STRIP1: variants seen among roughly 807,000 people sequenced by gnomAD.
STRIP1 encodes striatin interacting protein 1, also known as striatin-interacting protein 1.
A neutral mutation model predicts 106.2 loss-of-function variants in STRIP1; 63 were observed. That is an observed-to-expected ratio of 0.59 (90% CI 0.48 to 0.73). The LOEUF (loss-of-function observed/expected upper bound fraction) is 0.73, where lower values mean the gene tolerates loss of function less well. Among genes scored for constraint, STRIP1 ranks in the 30% least tolerant of loss-of-function variants. The pLI is 0.00. For missense variants in STRIP1, 857 were observed against 1,074.8 expected (o/e 0.80, Z 2.83); for synonymous variants, 390 against 413.0 (o/e 0.94, Z 0.67).
intron 5 of STRIP1, among the ~76,000 whole-genome samples, 163 bp from the exon 6 acceptor site, chr1:110,040,472 A>G (rs1336155878): frequency 6.6e-6 from 1 of 152,218 alleles, no homozygotes. Flanking sequence ...ATGAGCCACC[A>G]TGCCCAGCCA....
chr1:110,047,870 G>GT lies in STRIP1; in HGVS notation c.1661+2dup. On this transcript the variant is annotated splice_donor_variant, in intron 15 of 20. Transcript: ENST00000369795. LOFTEE classifies it high-confidence loss of function. ...CGGACGTCTTGCCTGAGGAGATGCCGTGAGTATCATTCTGTGAATGAAGCA... is the reference window on the plus strand; with the variant it reads ...CGGACGTCTTGCCTGAGGAGATGCCGTTGAGTATCATTCTGTGAATGAAGCA... 1 of 1,555,514 alleles carries GT rather than the reference G, an allele frequency of 6.4e-7. No homozygotes were observed. Among genetic ancestry groups the GT allele is most frequent in the Non-Finnish European group, 8.7e-7 (1 of 1,148,192 alleles).
At chr1:110,047,906 A>C (rs1653107503) in intron 15 of STRIP1, 37 bp downstream of exon 15, 1 of 1,501,088 alleles carries the variant, frequency 6.7e-7, no homozygotes. Flanking sequence ...GGTGGGGCAG[A>C]AGATAGATGG....
At chr1:110,042,872 G>T in intron 8 of STRIP1, 1 of 549,520 alleles carries the variant, frequency 1.8e-6, no homozygotes, top group South Asian at 2.6e-5. Context: ...CAGTCAGCCT[G>T]CATCTCCACT....
Position 110,049,445 on chromosome 1 carries a change from T to TTC in STRIP1, c.1789-15_1789-14insTC. 6.5e-7 allele frequency: 1 copy of TTC among 1,533,926 alleles called. No individual in the cohort carries two copies. The highest frequency in any genetic ancestry group is 8.8e-7 in the Non-Finnish European group (1 of 1,131,394). ...CCGCGCCTTTTTTTTTTTTTTTTTT[T>TTC]CCTGTTGGCTTCAGTTTGAATACAT... is the stretch of plus-strand genomic sequence containing the variant. On this transcript the variant is annotated splice_polypyrimidine_tract_variant and intron_variant, in intron 16 of 20. Transcript: ENST00000369795.
intron 20 of STRIP1, among the ~76,000 whole-genome samples, chr1:110,053,021 C>T (rs1227525929): frequency 1.3e-5 from 2 of 152,206 alleles, no homozygotes; most frequent in Non-Finnish European, 2.9e-5. Context: ...TGTAATCTGA[C>T]CCAGCTTCCT....
rs1652779343 is a variant in STRIP1 at position 110,041,823 on chromosome 1, A to G, written c.847A>G (p.Met283Val). Reference protein sequence around the residue: ...FCSGHAPHFPMKKVLLLLWKT... With the variant: ...FCSGHAPHFPVKKVLLLLWKT... The stretch of plus-strand genomic sequence containing the variant: ...CAGTGGTCACGCCCCTCACTTTCCC[A>G]TGAAGAAAGTTCTCTTGCTGCTCTG... The change falls in exon 8 of 21, where the codon ATG becomes GTG. Residue 283 changes from methionine to valine, a missense_variant. Met to Val is a conservative substitution (Grantham distance 21). Coordinates refer to ENST00000369795, the MANE Select transcript of STRIP1 (RefSeq NM_033088.4). The G allele has an allele frequency of 3.7e-6, 6 of 1,614,148 alleles. No homozygotes were observed. The highest frequency in any genetic ancestry group is 3.3e-5 in the South Asian group (3 of 91,080).
chr1:110,049,013 T>C (rs1653162000), intron 15 of STRIP1, 99 bp from the exon 16 acceptor site: 1 of 1,439,772 alleles, frequency 6.9e-7, no homozygotes, highest in South Asian at 1.3e-5. Flanking sequence ...GAGGTAGGAG[T>C]CTTTGCCCAG....
chr1:110,042,816 T>G (rs2101773177), intron 8 of STRIP1: 1 of 345,262 alleles, frequency 2.9e-6, no homozygotes, highest in Middle Eastern at 7.6e-4. Flanking sequence ...CTTTTTAAAT[T>G]GAAGAGTATG....
upstream of STRIP1, among the ~76,000 whole-genome samples, chr1:110,033,171 T>TGC (rs1445019995): frequency 6.6e-6 from 1 of 152,220 alleles, no homozygotes; most frequent in African/African-American, 2.4e-5. Flanking sequence ...CCCTCAGGCC[T>TGC]GCCTTCCTTG....
chr1:110,033,935 C>T (rs560996176), upstream of STRIP1, among the ~76,000 whole-genome samples: 18 of 152,350 alleles, frequency 1.2e-4, no homozygotes, highest in South Asian at 3.7e-3. Context: ...TATAAATCCC[C>T]ACTATATCTT....
intron 16 of STRIP1, 97 bp from the exon 17 acceptor site, chr1:110,049,363 A>C (rs541903765): frequency 6.4e-7 from 1 of 1,557,326 alleles, no homozygotes; most frequent in Non-Finnish European, 8.8e-7. Flanking sequence ...GTTCTAAGAC[A>C]TGGCCCTTCA....
chr1:110,033,197 T>TTATAGCCACATTCTC (rs1652273753), upstream of STRIP1, among the ~76,000 whole-genome samples: 1 of 152,150 alleles, frequency 6.6e-6, no homozygotes, highest in African/African-American at 2.4e-5. Context: ...CATGCTTATA[T>TTATAGCCACATTCTC]TATAGCCACA....
chr1:110,038,122 C>G (rs1333961744), intron 2 of STRIP1, 162 bp downstream of exon 2: 1 of 139,510 alleles, frequency 7.2e-6, no homozygotes, highest in Non-Finnish European at 1.3e-5. Context: ...ATGTATAAAA[C>G]ATGTTATTTG....
rs1457164384 is a variant in STRIP1 at position 110,041,786 on chromosome 1, G to A, written c.810G>A (p.Val270=). 3 of 1,614,152 alleles carry A rather than the reference G, an allele frequency of 1.9e-6. No individual in the cohort carries two copies. Among genetic ancestry groups the A allele is most frequent in the Non-Finnish European group, 2.5e-6 (3 of 1,180,028 alleles). The change falls in exon 8 of 21, where the codon GTG becomes GTA. Residue 270 remains valine (V), a synonymous_variant. Transcript: ENST00000369795. ...EPFAIMLFGM[V]TKFCSGHAPH... is the part of the protein sequence containing the mutation. ...TTGCCATCATGCTGTTTGGGATGGTGACCAAATTTTGCAGTGGTCACGCCC... is the reference window on the plus strand; with the variant it reads ...TTGCCATCATGCTGTTTGGGATGGTAACCAAATTTTGCAGTGGTCACGCCC...
rs140450665 is a variant in STRIP1, at chr1:110,054,212, G to C, written c.*300G>C. 4.2e-4 allele frequency: 151 copies of C among 355,710 alleles called. 1 individual carries two copies. In the East Asian group the frequency reaches 7.9e-3, roughly 18 times the overall value. The allele number at this position is 355,710 out of a possible 1,614,324, so 22.0% of individuals were successfully genotyped here. On this transcript the variant is annotated 3_prime_UTR_variant, in exon 21 of 21. Coordinates refer to ENST00000369795, the MANE Select transcript of STRIP1 (RefSeq NM_033088.4). ...TCACAATCAGCCCAAGGCTGGGAAA[G>C]CTGGAATGGGATGGGAACCCCTCCG...
Position 110,041,602 on chromosome 1 carries a change from T to A in STRIP1, c.717T>A (p.Ala239=). ...ATCAGGAGTGTGAGGGTGACAAGGCTGAGTGGAGGACCATGCGGCAGACCT... is the reference window on the plus strand; with the variant it reads ...ATCAGGAGTGTGAGGGTGACAAGGCAGAGTGGAGGACCATGCGGCAGACCT... ...TVHQECEGDK[A]EWRTMRQTFR... The change falls in exon 7 of 21, where the codon GCT becomes GCA. Residue 239 remains alanine, a synonymous_variant. Transcript: ENST00000369795. The A allele has an allele frequency of 6.2e-7, 1 of 1,614,106 alleles. No individual in the cohort carries two copies. The highest frequency in any genetic ancestry group is 8.5e-7 in the Non-Finnish European group (1 of 1,180,012).
At chr1:110,049,431 T>A in intron 16 of STRIP1, 29 bp from the exon 17 acceptor site, 2 of 1,463,850 alleles carry the variant, frequency 1.4e-6, no homozygotes, top group Non-Finnish European at 1.8e-6. Context: ...CGCGCCTTTT[T>A]TTTTTTTTTT....
chr1:110,050,322 T>C (rs1653234882), intron 17 of STRIP1, 21 bp from the exon 18 acceptor site: 1 of 1,613,826 alleles, frequency 6.2e-7, no homozygotes, highest in African/African-American at 1.3e-5. Flanking sequence ...GGTGGGCATC[T>C]GGTTCCTCTC....
At chr1:110,038,558 A>G in intron 2 of STRIP1, 125 bp from the exon 3 acceptor site, 1 of 688,704 alleles carries the variant, frequency 1.5e-6, no homozygotes, top group Non-Finnish European at 2.6e-6. Context: ...AGCTTATTCC[A>G]GGAGTCACTA....
Sources: allele counts gnomAD v4.1 joint callset (sites outside exome capture counted in the v4.1 genomes callset), GRCh38; gene constraint gnomAD v4.1.1; transcripts MANE v1.5; gene names NCBI Gene and HGNC (gene_info 2026-07-23, HGNC 2026-07-21).